The following CACNA2D3 variants were observed in gnomAD, a reference collection of about 807,000 sequenced individuals.
CACNA2D3 encodes calcium voltage-gated channel auxiliary subunit alpha2delta 3.
Under a neutral mutation model 160.6 loss-of-function variants are expected in CACNA2D3, and 60 were observed. The ratio of observed to expected loss-of-function variants is 0.37; its 90% CI spans 0.30 to 0.46. The LOEUF (loss-of-function observed/expected upper bound fraction) is 0.46, where lower values mean the gene tolerates loss of function less well. Ranked by LOEUF, CACNA2D3 falls within the 20% of genes least tolerant of loss-of-function variation. The pLI is 1.00. For missense variants in CACNA2D3, 1,205 were observed against 1,365.0 expected (o/e 0.88, Z 1.85); for synonymous variants, 558 against 492.9 (o/e 1.13, Z -1.75).
At chr3:54,263,252 A>G (rs564353341) in intron 2 of CACNA2D3, among the ~76,000 whole-genome samples, 4 of 152,302 alleles carry the variant, frequency 2.6e-5, no homozygotes, top group Admixed American at 6.5e-5. Flanking sequence ...TCATAGTCCT[A>G]TTTGGAAGCT....
At chr3:54,713,668 A>G (rs1242829377) in intron 11 of CACNA2D3, among the ~76,000 whole-genome samples, 1 of 152,224 alleles carries the variant, frequency 6.6e-6, no homozygotes, top group Non-Finnish European at 1.5e-5. Context: ...AGTGCTTGGC[A>G]CAAGGAGGGC....
At chr3:54,728,869 G>A (rs1031385007) in intron 11 of CACNA2D3, among the ~76,000 whole-genome samples, 2 of 152,132 alleles carry the variant, frequency 1.3e-5, no homozygotes, top group African/African-American at 4.8e-5. Context: ...TTTTATGATG[G>A]TCAGGTTCTC....
chr3:55,033,681 G>T (rs1010407074), intron 35 of CACNA2D3, among the ~76,000 whole-genome samples: 1 of 73,526 alleles, frequency 1.4e-5, no homozygotes, highest in Admixed American at 1.6e-4. Context: ...ATATAAATGT[G>T]TATATATACC....
At chr3:54,141,320 C>T (rs2107267873) in intron 2 of CACNA2D3, among the ~76,000 whole-genome samples, 1 of 152,220 alleles carries the variant, frequency 6.6e-6, no homozygotes, top group South Asian at 2.1e-4. Flanking sequence ...TTTTCTGGGA[C>T]TTAGTAAGGG....
At chr3:54,574,104 T>G (rs911280280) in intron 8 of CACNA2D3, among the ~76,000 whole-genome samples, 17 of 152,122 alleles carry the variant, frequency 1.1e-4, no homozygotes, top group Non-Finnish European at 1.8e-4. Context: ...AAGAGGACAT[T>G]ATCATTTCAC....
intron 5 of CACNA2D3, among the ~76,000 whole-genome samples, chr3:54,508,934 G>T (rs980658383): frequency 2.0e-5 from 3 of 152,226 alleles, no homozygotes; most frequent in Non-Finnish European, 4.4e-5. Flanking sequence ...CCCAAGAAAA[G>T]GGCAGAAGTC....
chr3:54,573,058 T>G (rs1032219604), intron 8 of CACNA2D3, among the ~76,000 whole-genome samples: 7 of 152,170 alleles, frequency 4.6e-5, no homozygotes, highest in African/African-American at 1.7e-4. Flanking sequence ...AAAAAATTTT[T>G]TTACCCCAAA....
chr3:54,825,123 G>A (rs956024745), intron 14 of CACNA2D3, among the ~76,000 whole-genome samples: 1 of 152,016 alleles, frequency 6.6e-6, no homozygotes, highest in Non-Finnish European at 1.5e-5. Flanking sequence ...AATACAAACT[G>A]TACTCACAAC....
intron 2 of CACNA2D3, among the ~76,000 whole-genome samples, chr3:54,267,133 A>G (rs1356557368): frequency 1.3e-5 from 2 of 152,204 alleles, no homozygotes; most frequent in African/African-American, 2.4e-5. Context: ...ATGTTTAGAC[A>G]TTTCCAAGTG....
At chr3:54,763,538 A>C (rs1039135718) in intron 12 of CACNA2D3, among the ~76,000 whole-genome samples, 9 of 151,514 alleles carry the variant, frequency 5.9e-5, no homozygotes, top group Non-Finnish European at 1.3e-4. Flanking sequence ...AAAAATGAAA[A>C]AATAAGGTTA....
At chr3:54,194,609 A>G (rs969288707) in intron 2 of CACNA2D3, among the ~76,000 whole-genome samples, 3 of 152,200 alleles carry the variant, frequency 2.0e-5, no homozygotes, top group Non-Finnish European at 4.4e-5. Flanking sequence ...AGACTGGGTA[A>G]TTTATGAAGA....
In CACNA2D3 at chr3:54,482,528, TTA is replaced by T. The variant is rs763737741; in HGVS notation, c.382-20962_382-20961del. Among the ~76,000 whole-genome samples, 15 of 152,238 alleles carry T rather than the reference TTA, an allele frequency of 9.9e-5. No individual in the cohort carries two copies. The South Asian group carries it at 2.9e-3, about 29-fold the overall frequency. On this transcript the variant is annotated intron_variant, in intron 4 of 37. Transcript: ENST00000474759. Reference sequence around the variant, plus strand: ...TTTATAAAAGACTAATGCCCATAATTTATGTTTATTTTCTGTTTTCTGTGATT... The same window carrying T: ...TTTATAAAAGACTAATGCCCATAATTTGTTTATTTTCTGTTTTCTGTGATT...
At chr3:54,821,091 G>C (rs767667035) in intron 14 of CACNA2D3, among the ~76,000 whole-genome samples, 7 of 152,070 alleles carry the variant, frequency 4.6e-5, no homozygotes, top group Non-Finnish European at 8.8e-5. Flanking sequence ...TTCATTTTCT[G>C]CTGCATCCAC....
At chr3:54,566,481 G>A (rs1334440428) in intron 6 of CACNA2D3, among the ~76,000 whole-genome samples, 1 of 152,152 alleles carries the variant, frequency 6.6e-6, no homozygotes, top group Non-Finnish European at 1.5e-5. Flanking sequence ...ATTGGCTGAG[G>A]CCACCAGTGA....
intron 17 of CACNA2D3, among the ~76,000 whole-genome samples, chr3:54,861,927 C>G (rs1222263557): frequency 6.6e-6 from 1 of 152,190 alleles, no homozygotes; most frequent in African/African-American, 2.4e-5. Flanking sequence ...TCAGAGCTCT[C>G]TTGGGTTTAT....
At chr3:54,984,764 G>T (rs1702579953) in intron 30 of CACNA2D3, 94 bp downstream of exon 30, 4 of 767,486 alleles carry the variant, frequency 5.2e-6, no homozygotes, top group Non-Finnish European at 8.7e-6. Flanking sequence ...TGGAGACAAT[G>T]ATCTTTATTT....
rs576524624 is a variant in CACNA2D3, at chr3:54,365,301, G to A, written c.322-21414G>A. ...GACAAACAAGTTCTGGACTTCAGAG[G>A]GCTTCTATTCCAGCAGATAAGATGT... On this transcript the variant is annotated intron_variant, in intron 3 of 37. Coordinates refer to ENST00000474759, the MANE Select transcript of CACNA2D3 (RefSeq NM_018398.3). Among the ~76,000 whole-genome samples, 21 of 152,260 alleles carry A rather than the reference G, an allele frequency of 1.4e-4. No homozygotes were observed. The South Asian group carries it at 4.1e-3, about 30-fold the overall frequency.
At chr3:54,321,535 A>G (rs1196767014) in intron 3 of CACNA2D3, among the ~76,000 whole-genome samples, 2 of 152,164 alleles carry the variant, frequency 1.3e-5, no homozygotes, top group Non-Finnish European at 2.9e-5. Context: ...ACTACAGGCA[A>G]ACTGTTCCTT....
At chr3:54,653,109 G>A (rs528954364) in intron 11 of CACNA2D3, among the ~76,000 whole-genome samples, 237 of 152,112 alleles carry the variant, frequency 1.6e-3, no homozygotes, top group Non-Finnish European at 2.7e-3. Context: ...ATGGAGAGGA[G>A]TGAACTGACT....
Sources: gnomAD v4.1 joint callset for allele counts (sites outside exome capture counted in the v4.1 genomes callset) on GRCh38, gnomAD v4.1.1 for gene constraint, MANE v1.5 for transcripts, NCBI Gene and HGNC (gene_info 2026-07-23, HGNC 2026-07-21) for gene names.